PCDH9: variants seen among roughly 807,000 people sequenced by gnomAD.
The protein encoded by PCDH9 is protocadherin-9.
Under a neutral mutation model 70.6 loss-of-function variants are expected in PCDH9, and 24 were observed. The observed-to-expected ratio is 0.34, with a 90% CI of 0.25 to 0.48. The LOEUF (loss-of-function observed/expected upper bound fraction) is 0.48, where lower values mean the gene tolerates loss of function less well. Among genes scored for constraint, PCDH9 ranks in the 20% least tolerant of loss-of-function variants. The pLI is 0.99. For synonymous variants in PCDH9, 562 were observed against 558.5 expected, an observed-to-expected ratio of 1.01 and a Z score of -0.09; for missense variants, 1,281 against 1,503.6, an observed-to-expected ratio of 0.85 and a Z score of 2.45.
intron 4 of PCDH9, among the ~76,000 whole-genome samples, chr13:66,337,357 G>C (rs1416211397): frequency 7.9e-5 from 12 of 151,914 alleles, no homozygotes; most frequent in Admixed American, 6.6e-4. Context: ...ATAAATAAAG[G>C]ATAACTCTTC....
At chr13:67,158,702 C>T (rs1180932119) in intron 2 of PCDH9, among the ~76,000 whole-genome samples, 1 of 152,054 alleles carries the variant, frequency 6.6e-6, no homozygotes. Context: ...TTGAAGCCAC[C>T]CACTCTATGA....
intron 3 of PCDH9, among the ~76,000 whole-genome samples, chr13:66,647,071 C>T (rs2077781339): frequency 2.0e-5 from 3 of 152,114 alleles, no homozygotes; most frequent in African/African-American, 7.2e-5. Context: ...GCCACCAAGA[C>T]CTAAAGTGCT....
In PCDH9 at chr13:66,723,344, T is replaced by C. The variant is rs1224741015; in HGVS notation, c.3139-91933A>G. 2.0e-5 allele frequency among the ~76,000 whole-genome samples: 3 copies of C among 151,500 alleles called. No individual in the cohort carries two copies. The East Asian group carries it at 5.8e-4, about 29-fold the overall frequency. The stretch of plus-strand genomic sequence containing the variant: ...ATAACATCTTATGGAAAAGAGATCT[T>C]CACTTAAGAAATGTATAATTGTTTG... On this transcript the variant is annotated intron_variant, in intron 3 of 4. Coordinates refer to ENST00000377865, the MANE Select transcript of PCDH9 (RefSeq NM_203487.3).
At chr13:66,373,678 A>G (rs1956699698) in intron 4 of PCDH9, among the ~76,000 whole-genome samples, 1 of 152,108 alleles carries the variant, frequency 6.6e-6, no homozygotes, top group Non-Finnish European at 1.5e-5. Flanking sequence ...TCTATTAAAC[A>G]GCAACACAAA....
At chr13:66,345,321 C>A (rs919784307) in intron 4 of PCDH9, among the ~76,000 whole-genome samples, 2 of 152,250 alleles carry the variant, frequency 1.3e-5, no homozygotes, top group Middle Eastern at 3.4e-3. Flanking sequence ...CCAGAGCAAG[C>A]TTTTCTCTCA....
At chr13:66,928,687 T>A (rs1315665234) in intron 2 of PCDH9, among the ~76,000 whole-genome samples, 1 of 152,084 alleles carries the variant, frequency 6.6e-6, no homozygotes, top group South Asian at 2.1e-4. Context: ...CAGCAAGAAG[T>A]CACCATGTCT....
At chr13:67,068,517 T>G (rs1429101672) in intron 2 of PCDH9, among the ~76,000 whole-genome samples, 1 of 152,104 alleles carries the variant, frequency 6.6e-6, no homozygotes, top group African/African-American at 2.4e-5. Flanking sequence ...CATAATACCT[T>G]TAAGAGTGAA....
chr13:66,698,848 A>G (rs979899056), intron 3 of PCDH9, among the ~76,000 whole-genome samples: 1 of 149,414 alleles, frequency 6.7e-6, no homozygotes, highest in African/African-American at 2.5e-5. Context: ...TGGCTTTCCT[A>G]AGTTTTGAGA....
At chr13:66,324,290 C>CA (rs1333167377) in intron 4 of PCDH9, among the ~76,000 whole-genome samples, 1 of 151,642 alleles carries the variant, frequency 6.6e-6, no homozygotes, top group African/African-American at 2.4e-5. Flanking sequence ...CTTCACGAGA[C>CA]AAAAAAGGTA....
At chr13:66,526,023 C>T (rs1170746867) in intron 4 of PCDH9, among the ~76,000 whole-genome samples, 3 of 152,054 alleles carry the variant, frequency 2.0e-5, no homozygotes, top group African/African-American at 4.8e-5. Flanking sequence ...TCTGATTCCC[C>T]CAATAGAAGG....
intron 3 of PCDH9, among the ~76,000 whole-genome samples, chr13:66,866,165 T>C (rs967564366): frequency 6.6e-6 from 1 of 152,168 alleles, no homozygotes; most frequent in Non-Finnish European, 1.5e-5. Flanking sequence ...GTCTGGGCAA[T>C]AAATGATGTT....
intron 2 of PCDH9, among the ~76,000 whole-genome samples, chr13:67,027,244 C>A (rs2084802250): frequency 1.3e-5 from 2 of 152,060 alleles, no homozygotes; most frequent in South Asian, 4.2e-4. Context: ...AGAACAGAGC[C>A]CTCAGAAATA....
chr13:66,725,056 T>G (rs993545549), intron 3 of PCDH9, among the ~76,000 whole-genome samples: 7 of 152,100 alleles, frequency 4.6e-5, no homozygotes, highest in African/African-American at 1.7e-4. Context: ...ACTCAGAAAT[T>G]TAATGGGTTC....
At chr13:66,901,645 A>AT (rs932998476) in intron 3 of PCDH9, among the ~76,000 whole-genome samples, 2 of 151,622 alleles carry the variant, frequency 1.3e-5, no homozygotes, top group Non-Finnish European at 3.0e-5. Flanking sequence ...TCTAGATGTC[A>AT]TTTTTTTTCT....
intron 2 of PCDH9, among the ~76,000 whole-genome samples, chr13:67,142,945 G>T (rs2087432096): frequency 6.6e-6 from 1 of 151,946 alleles, no homozygotes; most frequent in Non-Finnish European, 1.5e-5. Context: ...GGAGGCGGAG[G>T]TTGCAGTGAG....
At chr13:67,115,463 C>A (rs917273607) in intron 2 of PCDH9, among the ~76,000 whole-genome samples, 1 of 152,158 alleles carries the variant, frequency 6.6e-6, no homozygotes, top group African/African-American at 2.4e-5. Flanking sequence ...ATCTCTGGAC[C>A]CTTTTCAATG....
intron 4 of PCDH9, among the ~76,000 whole-genome samples, chr13:66,413,602 G>T (rs924193169): frequency 9.9e-5 from 15 of 151,744 alleles, no homozygotes; most frequent in African/African-American, 3.4e-4. Context: ...GGGAGAATGG[G>T]GTGAACCTGG....
At chr13:66,797,486 C>A (rs2080261728) in intron 3 of PCDH9, among the ~76,000 whole-genome samples, 1 of 152,096 alleles carries the variant, frequency 6.6e-6, no homozygotes, top group African/African-American at 2.4e-5. Context: ...AACATAAAGT[C>A]CTAACCCTAT....
chr13:66,507,414 G>A (rs1959239537), intron 4 of PCDH9, among the ~76,000 whole-genome samples: 1 of 152,162 alleles, frequency 6.6e-6, no homozygotes, highest in Non-Finnish European at 1.5e-5. Flanking sequence ...CAGGGAAGAA[G>A]AGGTGAGCTT....
Sources: gnomAD v4.1 joint callset for allele counts (sites outside exome capture counted in the v4.1 genomes callset) on GRCh38, gnomAD v4.1.1 for gene constraint, MANE v1.5 for transcripts, NCBI Gene and HGNC (gene_info 2026-07-23, HGNC 2026-07-21) for gene names.